MYL9: variants seen among roughly 807,000 people sequenced by gnomAD.
MYL9 encodes myosin regulatory light polypeptide 9.
A neutral mutation model predicts 12.8 loss-of-function variants in MYL9; 7 were observed. That is an observed-to-expected ratio of 0.55 (90% CI 0.31 to 1.03). The LOEUF is 1.03. Among genes scored for constraint, MYL9 ranks in the 50% least tolerant of loss-of-function variants. The probability of loss-of-function intolerance (pLI) is 0.05; values close to 1 mark genes in which losing one functional copy is unlikely to be tolerated. For synonymous variants in MYL9, 81 were observed against 87.8 expected (o/e 0.92, Z 0.43); for missense variants, 190 against 242.7 (o/e 0.78, Z 1.44).
chr20:36,543,934 G>A (rs1387761067), intron 1 of MYL9, among the ~76,000 whole-genome samples: 7 of 152,154 alleles, frequency 4.6e-5, no homozygotes, highest in South Asian at 2.1e-4. Context: ...GGGACACCAC[G>A]AGGGCTGTCA....
chr20:36,547,122 G>A (rs943210684), intron 2 of MYL9, among the ~76,000 whole-genome samples: 1 of 152,170 alleles, frequency 6.6e-6, no homozygotes, highest in Non-Finnish European at 1.5e-5. Context: ...CTGAACCCCT[G>A]AGACTTCATG....
At chr20:36,542,552 C>G (rs1480872898) in intron 1 of MYL9, among the ~76,000 whole-genome samples, 1 of 152,054 alleles carries the variant, frequency 6.6e-6, no homozygotes, top group Non-Finnish European at 1.5e-5. Context: ...GAAGGCGCCT[C>G]TGGATACACA....
Position 36,548,012 on chromosome 20 carries a change from G to A in MYL9, c.185-20G>A, listed in dbSNP as rs753512002. 1.3e-6 allele frequency: 2 copies of A among 1,591,102 alleles called. No individual in the cohort carries two copies. Among genetic ancestry groups the A allele is most frequent in the Non-Finnish European group, 1.7e-6 (2 of 1,166,268 alleles). ...ACAGAGGGCCCAGGACCACAGGCTG[G>A]AACACCCCACCTGCCACAGGGAAGA... On this transcript the variant is annotated intron_variant, in intron 2 of 3. Transcript: ENST00000279022.
intron 1 of MYL9, among the ~76,000 whole-genome samples, chr20:36,543,704 G>A (rs1003537016): frequency 6.6e-6 from 1 of 152,234 alleles, no homozygotes; most frequent in African/African-American, 2.4e-5. Flanking sequence ...CCTGGGATTG[G>A]TGTAAACTGG....
chr20:36,547,924 G>A (rs1208437535), intron 2 of MYL9, 108 bp from the exon 3 acceptor site: 24 of 1,314,302 alleles, frequency 1.8e-5, no homozygotes, highest in South Asian at 4.7e-5. Context: ...ACTACCTCCC[G>A]TCTCACACGG....
At chr20:36,547,964 G>T (rs1165303407) in intron 2 of MYL9, 68 bp from the exon 3 acceptor site, 1 of 1,503,598 alleles carries the variant, frequency 6.7e-7, no homozygotes, top group Non-Finnish European at 8.9e-7. Context: ...GGGGGACGGG[G>T]GTGCAAGTTG....
Position 36,549,483 on chromosome 20 carries a change from C to T in MYL9, c.*234C>T, listed in dbSNP as rs970050759. The T allele has an allele frequency of 2.1e-6, 1 of 476,306 alleles. No individual in the cohort carries two copies. Among genetic ancestry groups the T allele is most frequent in the Middle Eastern group, 5.7e-4 (1 of 1,754 alleles). The allele number at this position is 476,306 out of a possible 1,614,324, so 29.5% of individuals were successfully genotyped here. ...AGTCTCTGACCCCTCCAAGGAAAGA[C>T]CACCTTCTGGGGACATGGGCTGGAG... On this transcript the variant is annotated 3_prime_UTR_variant, in exon 4 of 4. Transcript: ENST00000279022.
At position 36,545,049 on chromosome 20, in the gene MYL9, C is replaced by G; in HGVS notation, c.165C>G (p.His55Gln). ...GCTTCATTGACAAGGAGGACCTGCA[C>G]GACATGCTGGCCTCGCTGGGTGAGC... ...RDGFIDKEDL[H>Q]DMLASLGKNP... The change falls in exon 2 of 4, where the codon CAC (histidine) becomes CAG (glutamine). Residue 55 changes from histidine (H) to glutamine (Q), a missense_variant. Transcript: ENST00000279022. The G allele has an allele frequency of 6.2e-7, 1 of 1,614,090 alleles. No homozygotes were observed. Among genetic ancestry groups the G allele is most frequent in the Non-Finnish European group, 8.5e-7 (1 of 1,179,972 alleles).
At chr20:36,548,392 G>C (rs946943672) in intron 3 of MYL9, among the ~76,000 whole-genome samples, 199 bp downstream of exon 3, 1 of 152,172 alleles carries the variant, frequency 6.6e-6, no homozygotes, top group Non-Finnish European at 1.5e-5. Flanking sequence ...TCCTGCCTTC[G>C]TGATCTCCCC....
chr20:36,541,713 G>T (rs1252428090), intron 1 of MYL9, among the ~76,000 whole-genome samples, 152 bp downstream of exon 1: 1 of 152,260 alleles, frequency 6.6e-6, no homozygotes, highest in Non-Finnish European at 1.5e-5. Flanking sequence ...ACGGACTGAG[G>T]GGTGAGCTGG....
rs762964579 is a variant in MYL9, at chr20:36,549,271, C to T, written c.*22C>T. 1.3e-6 allele frequency: 2 copies of T among 1,551,434 alleles called. No homozygotes were observed. The highest frequency in any genetic ancestry group is 2.4e-5 in the South Asian group (2 of 83,008). ...CTAGGCCACCCCAGCCCCCTGACACCCCAGCCCCCGCCAGTCACCCCTCCC... is the reference window on the plus strand; with the variant it reads ...CTAGGCCACCCCAGCCCCCTGACACTCCAGCCCCCGCCAGTCACCCCTCCC... On this transcript the variant is annotated 3_prime_UTR_variant, in exon 4 of 4. Coordinates refer to ENST00000279022, the MANE Select transcript of MYL9 (RefSeq NM_006097.5).
At chr20:36,546,038 C>T (rs1261353845) in intron 2 of MYL9, among the ~76,000 whole-genome samples, 5 of 152,242 alleles carry the variant, frequency 3.3e-5, no homozygotes, top group African/African-American at 4.8e-5. Context: ...AGCTCCCCTC[C>T]TTCAGAGGTC....
chr20:36,544,853 C>A lies in MYL9; in HGVS notation c.-26-6C>A. 6.3e-7 allele frequency: 1 copy of A among 1,599,652 alleles called. No individual in the cohort carries two copies. Among genetic ancestry groups the A allele is most frequent in the Non-Finnish European group, 8.5e-7 (1 of 1,171,510 alleles). On this transcript the variant is annotated splice_region_variant and splice_polypyrimidine_tract_variant and intron_variant, in intron 1 of 3. Transcript: ENST00000279022. ...AGGGCCACCCAACCCCCACCCCTTCCTGCAGGGAAGCCCCACCCACCAGAA... is the reference window on the plus strand; with the variant it reads ...AGGGCCACCCAACCCCCACCCCTTCATGCAGGGAAGCCCCACCCACCAGAA...
chr20:36,545,218 C>G (rs1297529773), intron 2 of MYL9, 150 bp downstream of exon 2: 11 of 966,994 alleles, frequency 1.1e-5, no homozygotes, highest in African/African-American at 3.3e-5. Context: ...GGAAACTGGG[C>G]CGGGCGCGGT....
At position 36,546,201 on chromosome 20, in the gene MYL9, A is replaced by C. The variant is rs998977125; in HGVS notation, c.184+1133A>C. Among the ~76,000 whole-genome samples, 3 of 152,296 alleles carry C rather than the reference A, an allele frequency of 2.0e-5. No homozygotes were observed. In the South Asian group the frequency reaches 6.2e-4, roughly 32 times the overall value. On this transcript the variant is annotated intron_variant, in intron 2 of 3. Transcript: ENST00000279022. ...CAAGGCCTCCACAGACCATGCCCCA[A>C]CCCACGGGCCTGCCCCAACATCCCT... is the stretch of plus-strand genomic sequence containing the variant.
Position 36,548,180 on chromosome 20 carries a change from C to T in MYL9, c.333C>T (p.Asp111=), listed in dbSNP as rs376589012. The part of the protein sequence containing the change: ...DVIRNAFACF[D]EEASGFIHED... ...TTCGCAACGCCTTTGCCTGCTTCGA[C>T]GAGGAAGCCTCAGGTCCGTGGCGCC... Residue 111 remains aspartate, a synonymous_variant, in exon 3 of 4, where the codon GAC becomes GAT. Coordinates refer to ENST00000279022, the MANE Select transcript of MYL9 (RefSeq NM_006097.5). 20 of 1,611,344 alleles carry T rather than the reference C, an allele frequency of 1.2e-5. No homozygotes were observed. The highest frequency in any genetic ancestry group is 5.5e-5 in the South Asian group (5 of 90,838).
intron 2 of MYL9, among the ~76,000 whole-genome samples, chr20:36,547,403 T>C (rs569196096): frequency 2.8e-4 from 42 of 152,328 alleles, no homozygotes; most frequent in African/African-American, 8.7e-4. Flanking sequence ...GGGGCTGCAA[T>C]AGAAACCCAG....
In MYL9 at chr20:36,550,089, G is replaced by A. The variant is rs2038151875; in HGVS notation, c.*840G>A. ...GCCTTCTCAGGGCTTGTGGGAAAGG[G>A]AGGACCATGGGAATCACCACAGCCA... On this transcript the variant is annotated 3_prime_UTR_variant, in exon 4 of 4. Coordinates refer to ENST00000279022, the MANE Select transcript of MYL9 (RefSeq NM_006097.5). 1 of 152,510 alleles carries A rather than the reference G, an allele frequency of 6.6e-6. No individual in the cohort carries two copies. Among genetic ancestry groups the A allele is most frequent in the African/African-American group, 2.4e-5 (1 of 41,442 alleles). The allele number at this position is 152,510 out of a possible 1,614,324, so 9.4% of individuals were successfully genotyped here.
chr20:36,543,455 G>C (rs898469801), intron 1 of MYL9, among the ~76,000 whole-genome samples: 6 of 152,196 alleles, frequency 3.9e-5, no homozygotes, highest in Non-Finnish European at 5.9e-5. Context: ...GGGCCCGGGG[G>C]TTTGGGCAGA....
Sources: gnomAD v4.1 joint callset for allele counts (sites outside exome capture counted in the v4.1 genomes callset) on GRCh38, gnomAD v4.1.1 for gene constraint, MANE v1.5 for transcripts, NCBI Gene and HGNC (gene_info 2026-07-23, HGNC 2026-07-21) for gene names.